ADD3: variants seen among roughly 807,000 people sequenced by gnomAD.
The protein encoded by ADD3 is gamma-adducin.
ADD3 carries 25 observed loss-of-function variants against 80.2 expected under a neutral mutation model. The ratio of observed to expected loss-of-function variants is 0.31; its 90% CI spans 0.23 to 0.44. The LOEUF is 0.44. Among genes scored for constraint, ADD3 ranks in the 20% least tolerant of loss-of-function variants. ADD3 has a pLI of 1.00. For missense variants in ADD3, 829 were observed against 847.5 expected (o/e 0.98, Z 0.27); for synonymous variants, 284 against 289.6 (o/e 0.98, Z 0.20).
chr10:110,032,358 G>A (rs1290922651), intron 1 of ADD3, among the ~76,000 whole-genome samples: 1 of 152,054 alleles, frequency 6.6e-6, no homozygotes, highest in Non-Finnish European at 1.5e-5. Context: ...CTTAAAGGGT[G>A]GATCCTGCAT....
intron 12 of ADD3, among the ~76,000 whole-genome samples, chr10:110,129,638 C>A (rs1373397504): frequency 6.6e-6 from 1 of 152,166 alleles, no homozygotes; most frequent in Admixed American, 6.5e-5. Context: ...TGGGCCTTAC[C>A]AGACCTCTTC....
chr10:110,119,784 A>G, intron 8 of ADD3: 1 of 437,556 alleles, frequency 2.3e-6, no homozygotes, highest in Admixed American at 4.1e-5. Context: ...TAAGGGCCTC[A>G]TAAACATCAT....
At chr10:110,051,290 A>G (rs907404830) in intron 1 of ADD3, among the ~76,000 whole-genome samples, 8 of 152,210 alleles carry the variant, frequency 5.3e-5, no homozygotes, top group African/African-American at 1.9e-4. Context: ...ACAAAAGGAA[A>G]AATAGGTAAT....
At chr10:110,019,223 C>T (rs559859149) in intron 1 of ADD3, among the ~76,000 whole-genome samples, 9 of 151,870 alleles carry the variant, frequency 5.9e-5, no homozygotes, top group South Asian at 2.1e-4. Context: ...TAACATTGTC[C>T]GTTTTCAGAT....
chr10:110,124,597 A>G (rs1851910391), intron 10 of ADD3, among the ~76,000 whole-genome samples: 1 of 152,160 alleles, frequency 6.6e-6, no homozygotes, highest in African/African-American at 2.4e-5. Context: ...GTTCTTGTCC[A>G]CTACATGATA....
At chr10:110,000,510 T>C (rs559694471) in intron 1 of ADD3, among the ~76,000 whole-genome samples, 1 of 152,384 alleles carries the variant, frequency 6.6e-6, no homozygotes, top group East Asian at 1.9e-4. Context: ...TGCCATGCTC[T>C]GTTATGAGCA....
intron 1 of ADD3, among the ~76,000 whole-genome samples, chr10:110,070,928 A>G (rs1271269978): frequency 4.0e-5 from 5 of 124,640 alleles, no homozygotes; most frequent in Non-Finnish European, 6.2e-5. Flanking sequence ...GTAGGCCTAC[A>G]AACACATCAT....
At chr10:110,048,418 G>A (rs1013837416) in intron 1 of ADD3, among the ~76,000 whole-genome samples, 5 of 152,190 alleles carry the variant, frequency 3.3e-5, no homozygotes, top group African/African-American at 1.2e-4. Context: ...GGCAGAGGTT[G>A]GAACCATTTG....
At chr10:110,073,512 A>G (rs1423333293) in intron 1 of ADD3, among the ~76,000 whole-genome samples, 5 of 152,206 alleles carry the variant, frequency 3.3e-5, no homozygotes, top group African/African-American at 9.7e-5. Flanking sequence ...AGTACATGGA[A>G]TAAGTATGTA....
intron 1 of ADD3, among the ~76,000 whole-genome samples, chr10:109,999,260 G>T (rs942714930): frequency 1.3e-5 from 2 of 152,156 alleles, no homozygotes; most frequent in Non-Finnish European, 2.9e-5. Context: ...TTTATATTTT[G>T]CTGTCCATGT....
intron 1 of ADD3, among the ~76,000 whole-genome samples, chr10:110,095,472 G>C (rs1848038075): frequency 6.6e-6 from 1 of 152,152 alleles, no homozygotes; most frequent in Non-Finnish European, 1.5e-5. Context: ...ACAATATGTG[G>C]TCCTTGGTGA....
intron 1 of ADD3, among the ~76,000 whole-genome samples, chr10:110,046,489 A>G (rs1856927474): frequency 6.6e-6 from 1 of 150,800 alleles, no homozygotes; most frequent in Non-Finnish European, 1.5e-5. Flanking sequence ...AGGGTCATCT[A>G]TATGTAATTC....
chr10:110,123,479 C>G (rs1851763567), intron 9 of ADD3, among the ~76,000 whole-genome samples: 1 of 152,056 alleles, frequency 6.6e-6, no homozygotes, highest in South Asian at 2.1e-4. Flanking sequence ...ACTTGTTGAC[C>G]ATTTGTATGT....
At chr10:110,087,655 A>G (rs977336848) in intron 1 of ADD3, among the ~76,000 whole-genome samples, 4 of 152,164 alleles carry the variant, frequency 2.6e-5, no homozygotes, top group African/African-American at 9.7e-5. Context: ...TGTCTTGTTC[A>G]GGTTAGTGTT....
chr10:110,110,102 T>A (rs574233191), intron 2 of ADD3, among the ~76,000 whole-genome samples: 2 of 152,358 alleles, frequency 1.3e-5, no homozygotes, highest in South Asian at 4.1e-4. Context: ...TGGTGCAAAC[T>A]GCTCCATGAA....
At chr10:110,050,321 G>A (rs1170059670) in intron 1 of ADD3, among the ~76,000 whole-genome samples, 2 of 151,960 alleles carry the variant, frequency 1.3e-5, no homozygotes, top group Non-Finnish European at 2.9e-5. Context: ...AATCATGGGG[G>A]CAGTTTCCTC....
At chr10:110,130,170 A>C (rs536991037) in intron 12 of ADD3, among the ~76,000 whole-genome samples, 193 bp from the exon 13 acceptor site, 3 of 152,260 alleles carry the variant, frequency 2.0e-5, no homozygotes, top group African/African-American at 7.2e-5. Context: ...AGTCCATTGG[A>C]TTAGTAGTTT....
chr10:110,077,831 T>G (rs1020688712), intron 1 of ADD3, among the ~76,000 whole-genome samples: 5 of 152,166 alleles, frequency 3.3e-5, no homozygotes, highest in African/African-American at 1.2e-4. Flanking sequence ...AGTTTCTCTT[T>G]GTACCTGAGT....
intron 11 of ADD3, among the ~76,000 whole-genome samples, 172 bp from the exon 12 acceptor site, chr10:110,126,245 G>T (rs950177099): frequency 1.3e-5 from 2 of 152,232 alleles, no homozygotes; most frequent in Non-Finnish European, 2.9e-5. Flanking sequence ...ATAAAGAGCA[G>T]AGGAGACTAA....
Sources: gnomAD v4.1 joint callset for allele counts (sites outside exome capture counted in the v4.1 genomes callset) on GRCh38, gnomAD v4.1.1 for gene constraint, MANE v1.5 for transcripts, NCBI Gene and HGNC (gene_info 2026-07-23, HGNC 2026-07-21) for gene names.